BTAF1: variants seen among roughly 807,000 people sequenced by gnomAD.
BTAF1 encodes B-TFIID TATA-box binding protein associated factor 1.
BTAF1 carries 38 observed loss-of-function variants against 227.1 expected under a neutral mutation model. That is an observed-to-expected ratio of 0.17 (90% CI 0.13 to 0.22). The LOEUF is 0.22. Ranked by LOEUF, BTAF1 falls within the 10% of genes least tolerant of loss-of-function variation. The pLI is 1.00. For missense variants in BTAF1, 1,598 were observed against 2,204.0 expected, an observed-to-expected ratio of 0.73 and a Z score of 5.51; for synonymous variants, 742 against 751.9, an observed-to-expected ratio of 0.99 and a Z score of 0.21.
intron 11 of BTAF1, among the ~76,000 whole-genome samples, chr10:91,961,708 A>G (rs1036282123): frequency 3.9e-5 from 6 of 152,176 alleles, no homozygotes; most frequent in African/African-American, 1.2e-4. Context: ...TGTTTTTGAA[A>G]TATTATCCCT....
rs137875988 is a variant in BTAF1, at chr10:92,026,711, G to T, written c.5195G>T (p.Arg1732Leu). Residue 1732 changes from arginine to leucine, a missense_variant, in exon 36 of 38, where the codon CGA becomes CTA. This residue lies in a region of BTAF1 where 20 missense variants were observed against 56.8 expected (regional missense o/e 0.35). Coordinates refer to ENST00000265990, the MANE Select transcript of BTAF1 (RefSeq NM_003972.3). ...VFVEHDWNPM[R>L]DLQAMDRAHR... ...GTGGAGCATGACTGGAATCCTATGC[G>T]AGATCTACAAGCCATGGACCGGGCC... is the stretch of plus-strand genomic sequence containing the variant. 3 of 1,613,776 alleles carry T rather than the reference G, an allele frequency of 1.9e-6. No homozygotes were observed. The African/African-American group carries it at 4.0e-5, about 22-fold the overall frequency.
chr10:91,928,277 A>G (rs546817187), intron 1 of BTAF1, among the ~76,000 whole-genome samples: 2 of 152,314 alleles, frequency 1.3e-5, no homozygotes, highest in East Asian at 1.9e-4. Flanking sequence ...TATGAAATGC[A>G]TGGCCAACTC....
In BTAF1 at chr10:91,959,752, A is replaced by G. The variant is rs566082777; in HGVS notation, c.991-33A>G. 11,967 of 358,300 alleles carry G rather than the reference A, an allele frequency of 0.033. 167 individuals are homozygous for G. Among genetic ancestry groups the G allele is most frequent in the African/African-American group, 0.091 (3,892 of 42,988 alleles). The allele number at this position is 358,300 out of a possible 1,614,324, so 22.2% of individuals were successfully genotyped here. Reference sequence around the variant, plus strand: ...TGTGTGTGTGTGTGTATATATATATATATATATATATATATATATTATATT... The same window carrying G: ...TGTGTGTGTGTGTGTATATATATATGTATATATATATATATATATTATATT... On this transcript the variant is annotated intron_variant, in intron 9 of 37. Coordinates refer to ENST00000265990, the MANE Select transcript of BTAF1 (RefSeq NM_003972.3).
chr10:91,947,734 G>C (rs1324731995), intron 4 of BTAF1, among the ~76,000 whole-genome samples: 2 of 12,932 alleles, frequency 1.5e-4, no homozygotes, highest in South Asian at 0.012. Flanking sequence ...GTCAATGTTT[G>C]CAAAAAAAAA....
chr10:92,009,222 G>T lies in BTAF1; in HGVS notation c.4103+14G>T. ...TGAAAGAATAAGGTAAGAGTTGTATGACAATAACAAAATATTTCATCTGTT... is the reference window on the plus strand; with the variant it reads ...TGAAAGAATAAGGTAAGAGTTGTATTACAATAACAAAATATTTCATCTGTT... On this transcript the variant is annotated intron_variant, in intron 28 of 37. Coordinates refer to ENST00000265990, the MANE Select transcript of BTAF1 (RefSeq NM_003972.3). 6.2e-7 allele frequency: 1 copy of T among 1,605,322 alleles called. No individual in the cohort carries two copies. Among genetic ancestry groups the T allele is most frequent in the South Asian group, 1.1e-5 (1 of 90,092 alleles).
intron 25 of BTAF1, among the ~76,000 whole-genome samples, chr10:92,002,149 T>G (rs957543779): frequency 8.5e-5 from 13 of 152,102 alleles, no homozygotes; most frequent in Admixed American, 3.9e-4. Flanking sequence ...ATTGCATTAA[T>G]AGCAGGTTAG....
At chr10:91,953,681 A>G (rs1310284641) in intron 5 of BTAF1, 56 bp from the exon 6 acceptor site, 3 of 1,576,370 alleles carry the variant, frequency 1.9e-6, no homozygotes, top group Admixed American at 3.6e-5. Flanking sequence ...GGCTGAGACT[A>G]TAGGTACTTA....
At chr10:91,989,104 A>G (rs937794316) in intron 19 of BTAF1, 50 bp from the exon 20 acceptor site, 4 of 1,471,302 alleles carry the variant, frequency 2.7e-6, no homozygotes, top group Admixed American at 4.3e-5. Context: ...CTTACAGTCT[A>G]TTTGGGGTTG....
chr10:91,999,606 C>G (rs1849369443), intron 25 of BTAF1, among the ~76,000 whole-genome samples: 2 of 152,134 alleles, frequency 1.3e-5, no homozygotes, highest in African/African-American at 4.8e-5. Context: ...TTTGATCAGG[C>G]TGGTCTAAAC....
intron 8 of BTAF1, among the ~76,000 whole-genome samples, chr10:91,958,851 T>G (rs983619378): frequency 1.3e-5 from 2 of 152,234 alleles, no homozygotes; most frequent in East Asian, 1.9e-4. Context: ...GTTTTCTTGC[T>G]TGATTTTTAA....
rs545549553 is a variant in BTAF1, at chr10:92,005,619, T to A, written c.3661-2504T>A. On this transcript the variant is annotated intron_variant, in intron 25 of 37. Transcript: ENST00000265990. ...TCTTGATTTCTTTTTTCACATAGAT[T>A]GTTGTGTCAGGACCTTGTTACACTC... Among the ~76,000 whole-genome samples, 25 of 152,242 alleles carry A rather than the reference T, an allele frequency of 1.6e-4. No homozygotes were observed. The South Asian group carries it at 5.0e-3, about 30-fold the overall frequency.
At chr10:91,928,364 G>C (rs1844012782) in intron 1 of BTAF1, among the ~76,000 whole-genome samples, 1 of 152,096 alleles carries the variant, frequency 6.6e-6, no homozygotes, top group African/African-American at 2.4e-5. Flanking sequence ...CATAGCATTT[G>C]AAGTTCTCTG....
At chr10:92,000,487 C>T (rs1406966898) in intron 25 of BTAF1, among the ~76,000 whole-genome samples, 3 of 152,140 alleles carry the variant, frequency 2.0e-5, no homozygotes, top group African/African-American at 7.2e-5. Context: ...AGCTCACATC[C>T]ACTGTGAGGT....
chr10:92,010,614 A>G (rs544350380), intron 28 of BTAF1, among the ~76,000 whole-genome samples: 1 of 152,154 alleles, frequency 6.6e-6, no homozygotes, highest in Non-Finnish European at 1.5e-5. Flanking sequence ...CCTCTCTCTC[A>G]TGAATATATC....
At chr10:92,017,634 T>G (rs1850836068) in intron 33 of BTAF1, among the ~76,000 whole-genome samples, 1 of 151,982 alleles carries the variant, frequency 6.6e-6, no homozygotes, top group Admixed American at 6.5e-5. Flanking sequence ...CTCAGCTTCC[T>G]AAGTAGGTAG....
intron 34 of BTAF1, among the ~76,000 whole-genome samples, chr10:92,023,410 C>T (rs563992957): frequency 2.0e-5 from 3 of 152,182 alleles, no homozygotes; most frequent in East Asian, 3.9e-4. Flanking sequence ...TAGATTGGCC[C>T]GGTACAGTGG....
In BTAF1 at chr10:91,982,503, A is replaced by G; in HGVS notation, c.2049-84A>G. On this transcript the variant is annotated intron_variant, in intron 17 of 37. Coordinates refer to ENST00000265990, the MANE Select transcript of BTAF1 (RefSeq NM_003972.3). The stretch of plus-strand genomic sequence containing the variant: ...GCCAAATTTTGCTTCAAGTAATTAT[A>G]GGAAATTGAAAAAATTTCCCGAAGT... The G allele has an allele frequency of 3.4e-6, 5 of 1,463,384 alleles. No homozygotes were observed. The South Asian group carries it at 7.2e-5, about 21-fold the overall frequency. 90.6% of individuals were successfully genotyped at this position (1,463,384 alleles called of 1,614,324 possible).
chr10:91,988,925 CAA>C (rs1234141293), intron 19 of BTAF1, among the ~76,000 whole-genome samples: 1 of 152,078 alleles, frequency 6.6e-6, no homozygotes, highest in Non-Finnish European at 1.5e-5. Flanking sequence ...TTATTCTTCT[CAA>C]GAGAATGTCT....
chr10:91,962,260 T>A (rs1846577835), intron 11 of BTAF1, among the ~76,000 whole-genome samples: 1 of 152,138 alleles, frequency 6.6e-6, no homozygotes, highest in Admixed American at 6.6e-5. Flanking sequence ...TTCAGTAACA[T>A]GCTGTGCAGG....
Sources: gnomAD v4.1 joint callset for allele counts (sites outside exome capture counted in the v4.1 genomes callset) on GRCh38, gnomAD v4.1.1 for gene constraint, gnomAD v4.1.1 regional missense constraint, MANE v1.5 for transcripts, NCBI Gene and HGNC (gene_info 2026-07-23, HGNC 2026-07-21) for gene names.